SSC5D: variants seen among roughly 807,000 people sequenced by gnomAD.
SSC5D encodes soluble scavenger receptor cysteine-rich domain-containing protein SSC5D.
Under a neutral mutation model 104.6 loss-of-function variants are expected in SSC5D, and 106 were observed. The observed-to-expected ratio is 1.01, with a 90% CI of 0.87 to 1.19. The LOEUF (loss-of-function observed/expected upper bound fraction) is 1.19, where lower values mean the gene tolerates loss of function less well. SSC5D is among the 50% of genes most tolerant of loss of function. SSC5D has a pLI of 0.00. For missense variants in SSC5D, 1,993 were observed against 2,153.8 expected (o/e 0.93, Z 1.48); for synonymous variants, 860 against 883.5 (o/e 0.97, Z 0.47).
intron 13 of SSC5D, among the ~76,000 whole-genome samples, chr19:55,516,016 G>C (rs542264801): frequency 6.6e-6 from 1 of 152,230 alleles, no homozygotes; most frequent in South Asian, 2.1e-4. Flanking sequence ...TGTAAAATGG[G>C]GATAAAATTG....
Position 55,488,508 on chromosome 19 carries a change from T to TGGGGGGGG in SSC5D, c.-82_-81insGGGGGGGG. 1 of 1,259,826 alleles carries TGGGGGGGG rather than the reference T, an allele frequency of 7.9e-7. No individual in the cohort carries two copies. Among genetic ancestry groups the TGGGGGGGG allele is most frequent in the Non-Finnish European group, 1.1e-6 (1 of 889,786 alleles). 78.0% of individuals were successfully genotyped at this position (1,259,826 alleles called of 1,614,324 possible). On this transcript the variant is annotated 5_prime_UTR_variant, in exon 1 of 14. Transcript: ENST00000389623. ...CGCCTCCAGCAGGCACTTCCCTCCC[T>TGGGGGGGG]CCCTCTCTCCCCAGCTGCCTCCTCC...
At chr19:55,491,341 G>T in intron 6 of SSC5D, 1 of 477,444 alleles carries the variant, frequency 2.1e-6, no homozygotes, top group Non-Finnish European at 3.7e-6. Flanking sequence ...GTGACCGTTT[G>T]TTTAAGCCTC....
chr19:55,490,074 C>G, intron 4 of SSC5D, 79 bp downstream of exon 4: 1 of 679,288 alleles, frequency 1.5e-6, no homozygotes. Flanking sequence ...GACTGCCCTG[C>G]CAACCCCCAC....
At chr19:55,513,971 A>C (rs115254870) in intron 13 of SSC5D, among the ~76,000 whole-genome samples, 1 of 152,346 alleles carries the variant, frequency 6.6e-6, no homozygotes, top group African/African-American at 2.4e-5. Flanking sequence ...GGAACCAGAA[A>C]ATACAAATTA....
chr19:55,494,742 C>T lies in SSC5D; in HGVS notation c.1346C>T (p.Pro449Leu), dbSNP rs1375037430. ...GGGACGGCAGGCGTTTCACCTCCTC[C>T]AGCCTCCCCTACTGTCCTTTGGGAG... ...APGTAGVSPP[P>L]ASPTVLWEPG... The change falls in exon 8 of 14, where the codon CCA becomes CTA. Residue 449 changes from proline to leucine, a missense_variant. Pro to Leu is a moderately conservative substitution (Grantham distance 98). This residue lies in a region of SSC5D where 1,101 missense variants were observed against 1,085.0 expected (regional missense o/e 1.01). Coordinates refer to ENST00000389623, the MANE Select transcript of SSC5D (RefSeq NM_001144950.2). The T allele has an allele frequency of 6.5e-7, 1 of 1,549,892 alleles. No homozygotes were observed. Among genetic ancestry groups the T allele is most frequent in the Admixed American group, 2.0e-5 (1 of 50,934 alleles).
intron 1 of SSC5D, 74 bp from the exon 2 acceptor site, chr19:55,488,932 A>G: frequency 1.8e-5 from 5 of 277,344 alleles, no homozygotes; most frequent in East Asian, 5.3e-4. Context: ...ATTCAAGATG[A>G]GGGGCCTGCG....
chr19:55,504,293 A>G (rs994924709), intron 12 of SSC5D: 51 of 1,453,098 alleles, frequency 3.5e-5, no homozygotes, highest in Admixed American at 5.3e-5. Flanking sequence ...GAGGCAGCCA[A>G]TGAGCAGAAA....
At chr19:55,510,497 T>C (rs4254423) in intron 12 of SSC5D, among the ~76,000 whole-genome samples, 150,694 of 152,184 alleles carry the variant, frequency 0.99, 74,646 homozygotes, top group Non-Finnish European at 1. Flanking sequence ...TACAGGCATG[T>C]TCCACCACGC....
At chr19:55,513,943 A>G (rs1987812427) in intron 13 of SSC5D, among the ~76,000 whole-genome samples, 1 of 152,230 alleles carries the variant, frequency 6.6e-6, no homozygotes, top group African/African-American at 2.4e-5. Context: ...GTGTATTTAG[A>G]AATGCCCACG....
Position 55,488,482 on chromosome 19 carries a change from G to A in SSC5D, c.-108G>A. On this transcript the variant is annotated 5_prime_UTR_variant, in exon 1 of 14. Coordinates refer to ENST00000389623, the MANE Select transcript of SSC5D (RefSeq NM_001144950.2). ...CCTGCCTGCTCCTCCTCGGGCCTGG[G>A]CGCCTCCAGCAGGCACTTCCCTCCC... is the stretch of plus-strand genomic sequence containing the variant. 1 of 1,022,450 alleles carries A rather than the reference G, an allele frequency of 9.8e-7. No individual in the cohort carries two copies. The highest frequency in any genetic ancestry group is 1.4e-5 in the South Asian group (1 of 71,278). 63.3% of individuals were successfully genotyped at this position (1,022,450 alleles called of 1,614,324 possible).
In SSC5D at chr19:55,490,849, G is replaced by A. The variant is rs866518503; in HGVS notation, c.664G>A (p.Val222Ile). The change falls in exon 6 of 14, where the codon GTA (valine) becomes ATA (isoleucine). Residue 222 changes from valine to isoleucine, a missense_variant. This residue lies in a region of SSC5D where 1,101 missense variants were observed against 1,085.0 expected (regional missense o/e 1.01). Coordinates refer to ENST00000389623, the MANE Select transcript of SSC5D (RefSeq NM_001144950.2). ...EVWHGGRWGTVCDDGWDLRDA... is the reference protein window; with the variant it reads ...EVWHGGRWGTICDDGWDLRDA... ...CTGGCACGGCGGGCGCTGGGGCACC[G>A]TATGTGACGATGGCTGGGACCTGCG... 1.5e-5 allele frequency: 23 copies of A among 1,547,144 alleles called. No homozygotes were observed. Among genetic ancestry groups the A allele is most frequent in the East Asian group, 2.4e-5 (1 of 40,894 alleles).
At chr19:55,489,057 T>TGGGGGGGGGGGGGGGGGGGGGG in intron 2 of SSC5D, 25 bp downstream of exon 2, 5 of 1,247,966 alleles carry the variant, frequency 4.0e-6, no homozygotes, top group East Asian at 7.3e-5. Flanking sequence ...TCCTCCCATC[T>TGGGGGGGGGGGGGGGGGGGGGG]GCCCGCCCCC....
intron 6 of SSC5D, 104 bp downstream of exon 6, chr19:55,491,184 G>A (rs1443740283): frequency 6.1e-6 from 8 of 1,309,300 alleles, no homozygotes; most frequent in Non-Finnish European, 8.2e-6. Context: ...TCTGCCTCCT[G>A]CCCGCCTGCT....
chr19:55,504,196 C>T lies in SSC5D; in HGVS notation c.2785+2995C>T, dbSNP rs769531966. 7.8e-6 allele frequency: 12 copies of T among 1,533,328 alleles called. No individual in the cohort carries two copies. The East Asian group carries it at 2.7e-4, about 34-fold the overall frequency. 95.0% of individuals were successfully genotyped at this position (1,533,328 alleles called of 1,614,324 possible). A position where few individuals can be genotyped will look rare whatever the true frequency, so the allele number is the denominator to read the frequency against. On this transcript the variant is annotated intron_variant, in intron 12 of 13. Transcript: ENST00000389623. ...TGCAGCGCCTCCCTAGCCCATAGCGCCCCCTCGTGGTGGAGGCGGGCACGT... is the reference window on the plus strand; with the variant it reads ...TGCAGCGCCTCCCTAGCCCATAGCGTCCCCTCGTGGTGGAGGCGGGCACGT...
rs1987455160 is a variant in SSC5D, at chr19:55,500,402, T to G, written c.2292T>G (p.Thr764=). The change falls in exon 10 of 14, where the codon ACT becomes ACG. Residue 764 remains threonine, a synonymous_variant. Transcript: ENST00000389623. The surrounding 1 kb of genome is among the most constrained non-coding windows in gnomAD (Gnocchi z 4.6). ...DPAPSPSVST[T]GESGLFRVRL... is the part of the protein sequence containing the mutation. ...CCCCCTCTCCCAGTGTTAGCACCAC[T>G]GGGGAATCAGGTGAGTGGCCGTGAG... is the stretch of plus-strand genomic sequence containing the variant. 6.4e-7 allele frequency: 1 copy of G among 1,550,452 alleles called. No individual in the cohort carries two copies. Among genetic ancestry groups the G allele is most frequent in the Non-Finnish European group, 8.7e-7 (1 of 1,146,304 alleles).
At position 55,490,396 on chromosome 19, in the gene SSC5D, G is replaced by GCC; in HGVS notation, c.579_580dup (p.Arg194ProfsTer42). 7.0e-7 allele frequency: 1 copy of GCC among 1,422,818 alleles called. No homozygotes were observed. Among genetic ancestry groups the GCC allele is most frequent in the Non-Finnish European group, 9.5e-7 (1 of 1,048,964 alleles). The allele number at this position is 1,422,818 out of a possible 1,614,324, so 88.1% of individuals were successfully genotyped here. A position where few individuals can be genotyped will look rare whatever the true frequency, so the allele number is the denominator to read the frequency against. ...CCGGGCCCCTCTGCTGACGACAGGAGCCCCCCGCCAAGGTAAGCTCCCTGC... is the reference window on the plus strand; with the variant it reads ...CCGGGCCCCTCTGCTGACGACAGGAGCCCCCCCCGCCAAGGTAAGCTCCCTGC... On this transcript the variant is annotated frameshift_variant, in exon 5 of 14. Coordinates refer to ENST00000389623, the MANE Select transcript of SSC5D (RefSeq NM_001144950.2). LOFTEE classifies it high-confidence loss of function.
intron 7 of SSC5D, among the ~76,000 whole-genome samples, chr19:55,494,290 C>T (rs1408647751): frequency 6.6e-6 from 1 of 152,152 alleles, no homozygotes; most frequent in Non-Finnish European, 1.5e-5. Flanking sequence ...GCCTCAGCCC[C>T]GTGGCAGCCC....
intron 12 of SSC5D, among the ~76,000 whole-genome samples, chr19:55,509,565 CTT>C (rs34687130): frequency 1.8e-4 from 27 of 146,968 alleles, no homozygotes; most frequent in Admixed American, 3.4e-4. Flanking sequence ...TCTTTTTATT[CTT>C]TTTTTTTTTT....
intron 12 of SSC5D, among the ~76,000 whole-genome samples, chr19:55,509,133 G>C (rs1987698961): frequency 6.6e-6 from 1 of 152,210 alleles, no homozygotes; most frequent in Admixed American, 6.5e-5. Flanking sequence ...TCCCTTAGCT[G>C]TGTTACCCCA....
Sources: allele counts gnomAD v4.1 joint callset (sites outside exome capture counted in the v4.1 genomes callset), GRCh38; gene constraint gnomAD v4.1.1; regional missense constraint gnomAD v4.1.1; non-coding constraint Gnocchi (gnomAD v3.1); transcripts MANE v1.5; gene names NCBI Gene and HGNC (gene_info 2026-07-23, HGNC 2026-07-21).